The following NPAS4 variants were observed in gnomAD, a reference collection of about 807,000 sequenced individuals.
The protein encoded by NPAS4 is neuronal PAS domain protein 4, also known as neuronal PAS domain-containing protein 4.
In NPAS4, 10 loss-of-function variants were observed where a neutral mutation model predicts 64.0. The observed-to-expected ratio is 0.16, with a 90% CI of 0.10 to 0.26. The LOEUF (loss-of-function observed/expected upper bound fraction) is 0.26, where lower values mean the gene tolerates loss of function less well. NPAS4 is among the 10% of genes least tolerant of loss of function. The pLI is 1.00. For synonymous variants in NPAS4, 441 were observed against 411.7 expected (o/e 1.07, Z -0.86); for missense variants, 886 against 992.6 (o/e 0.89, Z 1.44).
chr11:66,415,093 CT>C, the NPAS4 span, among the ~76,000 whole-genome samples: 1 of 152,204 alleles, frequency 6.6e-6, no homozygotes, highest in Non-Finnish European at 1.5e-5. Context: ...TGAGACCCCC[CT>C]GCCCAAAATG....
chr11:66,420,987 C>T (rs1455053910), upstream of NPAS4: 2 of 563,946 alleles, frequency 3.5e-6, no homozygotes, highest in Non-Finnish European at 6.3e-6. Context: ...AAAACGAGCC[C>T]CCCACGCCTG....
In NPAS4 at chr11:66,424,094, C is replaced by A. The variant is rs145286951; in HGVS notation, c.1204C>A (p.Leu402Met). Residue 402 changes from leucine to methionine, a missense_variant, in exon 7 of 8, where the codon CTG becomes ATG. By Grantham distance (15) the Leu-to-Met change is conservative (BLOSUM62 2). This residue lies in a region of NPAS4 where 820 missense variants were observed against 855.5 expected (regional missense o/e 0.96). Coordinates refer to ENST00000311034, the MANE Select transcript of NPAS4 (RefSeq NM_178864.4). ...CTCCAAAGAACTGGACTTCAGTTAC[C>A]TGACATTCCCTTCTGGGCCTGAGCC... ...RPSKELDFSY[L>M]TFPSGPEPSL... 1 of 1,614,076 alleles carries A rather than the reference C, an allele frequency of 6.2e-7. No homozygotes were observed. Among genetic ancestry groups the A allele is most frequent in the Admixed American group, 1.7e-5 (1 of 60,014 alleles).
Position 66,424,120 on chromosome 11 carries a change from T to G in NPAS4, c.1230T>G (p.Pro410=), listed in dbSNP as rs1856801172. The G allele has an allele frequency of 6.2e-7, 1 of 1,613,890 alleles. No individual in the cohort carries two copies. The highest frequency in any genetic ancestry group is 8.5e-7 in the Non-Finnish European group (1 of 1,180,030). Residue 410 remains proline, a synonymous_variant, in exon 7 of 8, where the codon CCT becomes CCG. Coordinates refer to ENST00000311034, the MANE Select transcript of NPAS4 (RefSeq NM_178864.4). ...SYLTFPSGPE[P]SLQAELSKDL... ...TGACATTCCCTTCTGGGCCTGAGCC[T>G]TCTCTCCAAGCAGAACTAAGCAAGG... is the stretch of plus-strand genomic sequence containing the variant.
chr11:66,413,923 C>T, the NPAS4 span, among the ~76,000 whole-genome samples: 2 of 152,206 alleles, frequency 1.3e-5, no homozygotes, highest in Non-Finnish European at 2.9e-5. Flanking sequence ...TGTCTGTGGG[C>T]ACCATCACAT....
chr11:66,418,714 G>A (rs1010555411), upstream of NPAS4, among the ~76,000 whole-genome samples: 1 of 151,984 alleles, frequency 6.6e-6, no homozygotes, highest in South Asian at 2.1e-4. Context: ...TTCACCCTTA[G>A]AGCCCAGAAA....
chr11:66,423,739 G>C, intron 6 of NPAS4, 26 bp downstream of exon 6: 1 of 1,613,676 alleles, frequency 6.2e-7, no homozygotes, highest in Non-Finnish European at 8.5e-7. Context: ...GGGGACTAGG[G>C]GGCAGCTGAG....
intron 4 of NPAS4, 50 bp from the exon 5 acceptor site, chr11:66,423,073 T>C (rs1439956536): frequency 1.3e-6 from 2 of 1,495,000 alleles, no homozygotes; most frequent in Non-Finnish European, 1.8e-6. Flanking sequence ...GATGCATGGG[T>C]ATCAAGCAAG....
In NPAS4 at chr11:66,423,920, C is replaced by G. The variant is rs140299985; in HGVS notation, c.1030C>G (p.Pro344Ala). Residue 344 changes from proline (P) to alanine (A), a missense_variant, in exon 7 of 8, where the codon CCC becomes GCC. This residue lies in a region of NPAS4 where 820 missense variants were observed against 855.5 expected (regional missense o/e 0.96). Coordinates refer to ENST00000311034, the MANE Select transcript of NPAS4 (RefSeq NM_178864.4). ...TGTCCTGGGCACTCCGACCATGCTGCCCTCATTCCCTGAAAACATTCTTTC... is the reference window on the plus strand; with the variant it reads ...TGTCCTGGGCACTCCGACCATGCTGGCCTCATTCCCTGAAAACATTCTTTC... ...AYVLGTPTML[P>A]SFPENILSQE... is the part of the protein sequence containing the mutation. 6.2e-7 allele frequency: 1 copy of G among 1,614,078 alleles called. No individual in the cohort carries two copies. Among genetic ancestry groups the G allele is most frequent in the East Asian group, 2.2e-5 (1 of 44,882 alleles).
At chr11:66,421,871 C>G (rs994938284) in intron 1 of NPAS4, among the ~76,000 whole-genome samples, 1 of 152,226 alleles carries the variant, frequency 6.6e-6, no homozygotes, top group Non-Finnish European at 1.5e-5. Flanking sequence ...CTTTGGAGCT[C>G]TGTCCGCGGT....
At chr11:66,412,175 G>A in the NPAS4 span, among the ~76,000 whole-genome samples, 5 of 152,210 alleles carry the variant, frequency 3.3e-5, no homozygotes, top group African/African-American at 1.2e-4. Context: ...GTCTTAAGCT[G>A]GGAAGAACAT....
Position 66,424,677 on chromosome 11 carries a change from G to C in NPAS4, c.1787G>C (p.Gly596Ala), listed in dbSNP as rs1009680048. ...CTCTTGGCCCTAGCCCAGCTCCGGG[G>C]CCCCCTCTCTGTGGATGTCCCCCTG... is the stretch of plus-strand genomic sequence containing the variant. The part of the protein sequence containing the change: ...CTLLALAQLR[G>A]PLSVDVPLVP... Residue 596 changes from glycine to alanine, a missense_variant, in exon 7 of 8, where the codon GGC (glycine) becomes GCC (alanine). Coordinates refer to ENST00000311034, the MANE Select transcript of NPAS4 (RefSeq NM_178864.4). 2.5e-6 allele frequency: 4 copies of C among 1,613,364 alleles called. No individual in the cohort carries two copies. The highest frequency in any genetic ancestry group is 3.4e-6 in the Non-Finnish European group (4 of 1,179,522).
chr11:66,413,238 C>T, the NPAS4 span, among the ~76,000 whole-genome samples: 3 of 152,276 alleles, frequency 2.0e-5, no homozygotes, highest in African/African-American at 4.8e-5. Flanking sequence ...GCTGAACTAA[C>T]GGGAAATTAG....
At chr11:66,420,891 C>T (rs1319995591), upstream of NPAS4, 3 of 381,010 alleles carry the variant, frequency 7.9e-6, no homozygotes, top group Non-Finnish European at 1.4e-5. Context: ...GGAAGCCGGG[C>T]GGGAGGAGGA....
In NPAS4 at chr11:66,426,279, C is replaced by G. The variant is rs1856837264; in HGVS notation, c.*290C>G. 2 of 372,868 alleles carry G rather than the reference C, an allele frequency of 5.4e-6. No homozygotes were observed. Among genetic ancestry groups the G allele is most frequent in the Non-Finnish European group, 1.0e-5 (2 of 199,078 alleles). 23.1% of individuals were successfully genotyped at this position (372,868 alleles called of 1,614,324 possible). ...AGCGGAGAATGGGGGAGTCTCACTT[C>G]CCCGCCGCCTTGCCCCATTGGCCTG... On this transcript the variant is annotated 3_prime_UTR_variant, in exon 8 of 8. Transcript: ENST00000311034.
At chr11:66,415,166 G>C in the NPAS4 span, among the ~76,000 whole-genome samples, 2 of 152,178 alleles carry the variant, frequency 1.3e-5, no homozygotes, top group African/African-American at 2.4e-5. Flanking sequence ...CTCATTGCCT[G>C]TTCCAACTCC....
Position 66,421,043 on chromosome 11 carries a change from C to T in NPAS4, c.-137C>T. The T allele has an allele frequency of 1.4e-6, 1 of 729,482 alleles. No individual in the cohort carries two copies. The highest frequency in any genetic ancestry group is 2.7e-5 in the East Asian group (1 of 36,770). The allele number at this position is 729,482 out of a possible 1,614,324, so 45.2% of individuals were successfully genotyped here. The stretch of plus-strand genomic sequence containing the variant: ...CGTGAGGCAGGCGAGGGGGGCAGCG[C>T]AGCCGAGCGGAGCCCAGGAGAGCAG... On this transcript the variant is annotated 5_prime_UTR_variant, in exon 1 of 8. Transcript: ENST00000311034.
Position 66,422,254 on chromosome 11 carries a change from C to A in NPAS4, c.310C>A (p.His104Asn), listed in dbSNP as rs1177886414. 3 of 1,613,882 alleles carry A rather than the reference C, an allele frequency of 1.9e-6. No individual in the cohort carries two copies. In the East Asian group the frequency reaches 6.7e-5, roughly 36 times the overall value. Residue 104 changes from histidine (H) to asparagine (N), a missense_variant, in exon 2 of 8, where the codon CAT becomes AAT. Physicochemically the swap from His to Asn is moderately conservative, Grantham distance 68. This residue lies in a region of NPAS4 where 820 missense variants were observed against 855.5 expected (regional missense o/e 0.96). Coordinates refer to ENST00000311034, the MANE Select transcript of NPAS4 (RefSeq NM_178864.4). ...LLYLSESVSE[H>N]LGHSMVDLVA... ...CTACCTGTCTGAGAGTGTGAGCGAG[C>A]ATCTGGGCCACTCCATGGTGAGTGC...
At chr11:66,414,477 T>A in the NPAS4 span, among the ~76,000 whole-genome samples, 4 of 152,048 alleles carry the variant, frequency 2.6e-5, no homozygotes, top group African/African-American at 4.8e-5. Flanking sequence ...ACCCCCTCCA[T>A]GGTTCTATGT....
rs764870450 is a variant in NPAS4 at position 66,423,835 on chromosome 11, T to C, written c.945T>C (p.Ser315=). 4 of 1,606,934 alleles carry C rather than the reference T, an allele frequency of 2.5e-6. No individual in the cohort carries two copies. Among genetic ancestry groups the C allele is most frequent in the African/African-American group, 1.3e-5 (1 of 74,670 alleles). Residue 315 remains serine (S), a splice_region_variant and synonymous_variant, in exon 7 of 8, where the codon AGT becomes AGC. Transcript: ENST00000311034. ...GPITANNYPI[S]DMEAWSLRQQ... ...CAGCTGCCTCTTCTCTCCTCTCCAG[T>C]GACATGGAAGCCTGGAGCCTCCGCC...
Sources: allele counts gnomAD v4.1 joint callset (sites outside exome capture counted in the v4.1 genomes callset), GRCh38; gene constraint gnomAD v4.1.1; regional missense constraint gnomAD v4.1.1; transcripts MANE v1.5; gene names NCBI Gene and HGNC (gene_info 2026-07-23, HGNC 2026-07-21).